PPP1CB: variants seen among roughly 807,000 people sequenced by gnomAD.
The protein encoded by PPP1CB is serine/threonine-protein phosphatase PP1-beta catalytic subunit.
Under a neutral mutation model 43.7 loss-of-function variants are expected in PPP1CB, and 2 were observed. That is an observed-to-expected ratio of 0.05 (90% CI 0.02 to 0.14). PPP1CB has a LOEUF of 0.14. Among genes scored for constraint, PPP1CB ranks in the 10% least tolerant of loss-of-function variants. The probability of loss-of-function intolerance (pLI) is 1.00; values close to 1 mark genes in which losing one functional copy is unlikely to be tolerated. For synonymous variants in PPP1CB, 136 were observed against 135.6 expected (o/e 1.00, Z -0.02); for missense variants, 84 against 398.0 (o/e 0.21, Z 6.71).
At chr2:28,777,256 A>G (rs952451978) in intron 2 of PPP1CB, 29 of 181,014 alleles carry the variant, frequency 1.6e-4, no homozygotes, top group African/African-American at 5.0e-4. Flanking sequence ...TAAAAATAAC[A>G]TAGGAAGAGG....
intron 7 of PPP1CB, among the ~76,000 whole-genome samples, chr2:28,794,261 C>T (rs1346060446): frequency 6.6e-6 from 1 of 152,138 alleles, no homozygotes; most frequent in Non-Finnish European, 1.5e-5. Flanking sequence ...TAAAATTCCT[C>T]TATGACCTTT....
intron 6 of PPP1CB, among the ~76,000 whole-genome samples, chr2:28,789,343 C>CA (rs981358126): frequency 7.9e-5 from 12 of 151,264 alleles, no homozygotes; most frequent in Non-Finnish European, 1.0e-4. Flanking sequence ...TCCATCTCTA[C>CA]AAAAAAAATC....
intron 1 of PPP1CB, among the ~76,000 whole-genome samples, chr2:28,760,606 T>C (rs1291634907): frequency 6.6e-6 from 1 of 152,224 alleles, no homozygotes; most frequent in Non-Finnish European, 1.5e-5. Context: ...AAATGATGCA[T>C]AACTGGACTT....
At chr2:28,770,175 A>AT (rs1289068216) in intron 1 of PPP1CB, among the ~76,000 whole-genome samples, 2 of 152,134 alleles carry the variant, frequency 1.3e-5, no homozygotes, top group Non-Finnish European at 2.9e-5. Context: ...AGGCAGGAGA[A>AT]TCGCTTGAAT....
At chr2:28,770,235 C>A (rs923313483) in intron 1 of PPP1CB, among the ~76,000 whole-genome samples, 9 of 152,072 alleles carry the variant, frequency 5.9e-5, no homozygotes, top group African/African-American at 2.2e-4. Flanking sequence ...TGCACTCCAG[C>A]CTGGGTGACA....
intron 2 of PPP1CB, 54 bp downstream of exon 2, chr2:28,777,036 C>T (rs1667058043): frequency 8.9e-6 from 14 of 1,572,684 alleles, no homozygotes; most frequent in Middle Eastern, 1.7e-4. Context: ...TTTTTCCTCC[C>T]ATGTTTAAGA....
intron 1 of PPP1CB, among the ~76,000 whole-genome samples, chr2:28,769,944 A>G (rs2148043642): frequency 1.3e-5 from 2 of 152,268 alleles, no homozygotes; most frequent in South Asian, 4.1e-4. Flanking sequence ...ACTTAAACTC[A>G]ACTTCGTCGA....
intron 1 of PPP1CB, among the ~76,000 whole-genome samples, chr2:28,769,949 C>T (rs1187312670): frequency 3.9e-5 from 6 of 152,190 alleles, no homozygotes; most frequent in South Asian, 2.1e-4. Flanking sequence ...AACTCAACTT[C>T]GTCGATGATT....
intron 5 of PPP1CB, among the ~76,000 whole-genome samples, chr2:28,786,482 T>G (rs1667267897): frequency 6.6e-6 from 1 of 152,184 alleles, no homozygotes; most frequent in East Asian, 1.9e-4. Flanking sequence ...TTATTTGATT[T>G]TTTTAATGCA....
Position 28,801,404 on chromosome 2 carries a change from A to G in PPP1CB, c.*2101A>G, listed in dbSNP as rs1462223885. On this transcript the variant is annotated 3_prime_UTR_variant, in exon 8 of 8. Coordinates refer to ENST00000395366, the MANE Select transcript of PPP1CB (RefSeq NM_002709.3). ...GGCTTTTGTAAATTCATCCAGGTCA[A>G]GACTAAGTATGTTGGTTAATAGGAA... 1 of 152,022 alleles carries G rather than the reference A, an allele frequency of 6.6e-6. No homozygotes were observed. Among genetic ancestry groups the G allele is most frequent in the Non-Finnish European group, 1.5e-5 (1 of 67,952 alleles). The allele number at this position is 152,022 out of a possible 1,614,324, so 9.4% of individuals were successfully genotyped here.
intron 1 of PPP1CB, among the ~76,000 whole-genome samples, chr2:28,759,015 C>A (rs1407466847): frequency 1.3e-5 from 2 of 152,176 alleles, no homozygotes; most frequent in Non-Finnish European, 2.9e-5. Context: ...AAAACACTTT[C>A]TTGGTTTGAG....
At chr2:28,766,594 T>C (rs1281794915) in intron 1 of PPP1CB, among the ~76,000 whole-genome samples, 1 of 152,226 alleles carries the variant, frequency 6.6e-6, no homozygotes, top group African/African-American at 2.4e-5. Context: ...AGATTATTTA[T>C]AGAGGGTAAC....
At chr2:28,776,354 C>T (rs898077319) in intron 1 of PPP1CB, among the ~76,000 whole-genome samples, 9 of 151,990 alleles carry the variant, frequency 5.9e-5, no homozygotes, top group Non-Finnish European at 1.0e-4. Flanking sequence ...CCTCTGCCCC[C>T]GGGTTCAAGC....
rs571388403 is a variant in PPP1CB, at chr2:28,801,473, C to T, written c.*2170C>T. 36 of 150,574 alleles carry T rather than the reference C, an allele frequency of 2.4e-4. No homozygotes were observed. Among genetic ancestry groups the T allele is most frequent in the African/African-American group, 8.5e-4 (35 of 40,952 alleles). The allele number at this position is 150,574 out of a possible 1,614,324, so 9.3% of individuals were successfully genotyped here. A position where few individuals can be genotyped will look rare whatever the true frequency, so the allele number is the denominator to read the frequency against. ...AAGACTAAATGTGAAAAAATAATCA[C>T]TACTTAAGCTAATTAATATTGGTCA... On this transcript the variant is annotated 3_prime_UTR_variant, in exon 8 of 8. Transcript: ENST00000395366.
intron 1 of PPP1CB, among the ~76,000 whole-genome samples, chr2:28,763,832 G>A (rs1286722386): frequency 6.6e-6 from 1 of 152,088 alleles, no homozygotes; most frequent in East Asian, 1.9e-4. Context: ...AGCCTCCCGA[G>A]TAATCTGGGA....
intron 4 of PPP1CB, chr2:28,782,906 T>C (rs1272748302): frequency 1.3e-5 from 2 of 152,234 alleles, no homozygotes; most frequent in African/African-American, 4.8e-5. Context: ...ATTCACTATA[T>C]TAATTGAAAT....
chr2:28,798,998 G>T (rs546015016), intron 7 of PPP1CB, among the ~76,000 whole-genome samples: 14 of 151,978 alleles, frequency 9.2e-5, no homozygotes, highest in African/African-American at 3.4e-4. Context: ...TAGAGTTAGT[G>T]TACTTTTGTT....
chr2:28,784,851 CAG>C (rs1433981262), intron 5 of PPP1CB, among the ~76,000 whole-genome samples: 2 of 131,574 alleles, frequency 1.5e-5, no homozygotes, highest in Non-Finnish European at 3.2e-5. Flanking sequence ...ACCTGGGAGA[CAG>C]AGGTTGCAGT....
At chr2:28,783,716 T>A (rs1667203376) in intron 4 of PPP1CB, among the ~76,000 whole-genome samples, 191 bp from the exon 5 acceptor site, 1 of 151,234 alleles carries the variant, frequency 6.6e-6, no homozygotes, top group Non-Finnish European at 1.5e-5. Context: ...GAGATCACGC[T>A]ACTGCACTGC....
Sources: allele counts gnomAD v4.1 joint callset (sites outside exome capture counted in the v4.1 genomes callset), GRCh38; gene constraint gnomAD v4.1.1; transcripts MANE v1.5; gene names NCBI Gene and HGNC (gene_info 2026-07-23, HGNC 2026-07-21).